The following GOLGA5 variants were observed in gnomAD, a reference collection of about 807,000 sequenced individuals.
GOLGA5 encodes the protein golgin subfamily A member 5.
GOLGA5 carries 50 observed loss-of-function variants against 93.5 expected under a neutral mutation model. The ratio of observed to expected loss-of-function variants is 0.53; its 90% confidence interval spans 0.43 to 0.68. GOLGA5 has a LOEUF of 0.68. Among genes scored for constraint, GOLGA5 ranks in the 30% least tolerant of loss-of-function variants. GOLGA5 has a pLI of 0.00. For synonymous variants in GOLGA5, 312 were observed against 304.5 expected (o/e 1.02, Z -0.26); for missense variants, 760 against 856.4 (o/e 0.89, Z 1.40).
chr14:92,826,994 T>C (rs1056643264), intron 9 of GOLGA5, among the ~76,000 whole-genome samples: 1 of 152,150 alleles, frequency 6.6e-6, no homozygotes, highest in Non-Finnish European at 1.5e-5. Flanking sequence ...CAAAAGAGAT[T>C]ATAAAAATAA....
intron 3 of GOLGA5, among the ~76,000 whole-genome samples, chr14:92,807,350 A>G (rs1885011254): frequency 6.6e-6 from 1 of 152,156 alleles, no homozygotes. Context: ...TAAAAACTTT[A>G]AACTGTTAGA....
At chr14:92,834,928 G>A (rs1885608686) in intron 10 of GOLGA5, among the ~76,000 whole-genome samples, 1 of 152,210 alleles carries the variant, frequency 6.6e-6, no homozygotes, top group Admixed American at 6.5e-5. Context: ...AAGGTGGACT[G>A]AGAATTTATT....
chr14:92,836,708 T>A (rs1048859428), intron 11 of GOLGA5, among the ~76,000 whole-genome samples: 1 of 152,154 alleles, frequency 6.6e-6, no homozygotes, highest in Non-Finnish European at 1.5e-5. Context: ...ACCAGACTCT[T>A]TTTTTCCCCA....
chr14:92,803,706 A>G (rs1337275405), intron 2 of GOLGA5, among the ~76,000 whole-genome samples: 12 of 152,208 alleles, frequency 7.9e-5, no homozygotes, highest in East Asian at 1.9e-4. Context: ...GAAACTTTCA[A>G]CGCAACCAAA....
At chr14:92,798,763 A>G (rs1405550949) in intron 2 of GOLGA5, among the ~76,000 whole-genome samples, 1 of 152,170 alleles carries the variant, frequency 6.6e-6, no homozygotes, top group Admixed American at 6.5e-5. Flanking sequence ...AAAAAATACA[A>G]AAATTAGCCA....
intron 9 of GOLGA5, among the ~76,000 whole-genome samples, chr14:92,830,368 G>A (rs558019578): frequency 3.3e-5 from 5 of 150,514 alleles, no homozygotes; most frequent in African/African-American, 4.9e-5. Context: ...CACAGAATTC[G>A]TAAACTTAAA....
intron 8 of GOLGA5, among the ~76,000 whole-genome samples, chr14:92,822,214 C>T (rs1885330168): frequency 1.3e-5 from 2 of 152,188 alleles, no homozygotes; most frequent in South Asian, 4.1e-4. Context: ...TCTTTTCTCA[C>T]CTCTCTTGAT....
chr14:92,794,483 A>G (rs1465758403), intron 1 of GOLGA5, 27 bp downstream of exon 1: 9 of 152,494 alleles, frequency 5.9e-5, no homozygotes, highest in Middle Eastern at 3.4e-3. Context: ...GGCCCACTGG[A>G]CGAGACGGGG....
chr14:92,804,325 C>T (rs1884935976), intron 2 of GOLGA5, among the ~76,000 whole-genome samples: 1 of 152,038 alleles, frequency 6.6e-6, no homozygotes, highest in Non-Finnish European at 1.5e-5. Context: ...CTCGGCCTCC[C>T]AAAGTGCTGG....
rs1236495226 is a variant in GOLGA5 at position 92,809,458 on chromosome 14, G to C, written c.931G>C (p.Ala311Pro). The C allele has an allele frequency of 6.2e-7, 1 of 1,614,080 alleles. No homozygotes were observed. Among genetic ancestry groups the C allele is most frequent in the Non-Finnish European group, 8.5e-7 (1 of 1,179,986 alleles). Residue 311 changes from alanine to proline, a missense_variant, in exon 4 of 13, where the codon GCT becomes CCT. Transcript: ENST00000163416. ...TGTACTGAAAGTGAGACTCCAGGAA[G>C]CTGACCAGCTACTGAGTACTCGCAC... The part of the protein sequence containing the change: ...LAVLKVRLQE[A>P]DQLLSTRTEA...
Position 92,839,567 on chromosome 14 carries a change from A to C in GOLGA5, c.*121A>C. The C allele has an allele frequency of 1.6e-6, 1 of 641,108 alleles. No homozygotes were observed. Among genetic ancestry groups the C allele is most frequent in the Non-Finnish European group, 2.8e-6 (1 of 361,930 alleles). The allele number at this position is 641,108 out of a possible 1,614,324, so 39.7% of individuals were successfully genotyped here. Reference sequence around the variant, plus strand: ...GATTATTTTATCACTACAAGCTTTTAACTTTTTAAGTTATTGTACAAGTAT... The same window carrying C: ...GATTATTTTATCACTACAAGCTTTTCACTTTTTAAGTTATTGTACAAGTAT... On this transcript the variant is annotated 3_prime_UTR_variant, in exon 13 of 13. Transcript: ENST00000163416.
intron 10 of GOLGA5, among the ~76,000 whole-genome samples, chr14:92,834,642 T>TG (rs1885602346): frequency 6.6e-6 from 1 of 152,154 alleles, no homozygotes; most frequent in Admixed American, 6.5e-5. Context: ...AGAAGACACT[T>TG]GTGTAAGATG....
intron 2 of GOLGA5, among the ~76,000 whole-genome samples, chr14:92,799,216 T>G (rs935857538): frequency 2.0e-5 from 3 of 152,034 alleles, no homozygotes; most frequent in Non-Finnish European, 4.4e-5. Context: ...CCTCCTACTT[T>G]GACCTCCCAC....
Position 92,797,962 on chromosome 14 carries a change from T to G in GOLGA5, c.525T>G (p.Ser175=). The change falls in exon 2 of 13, where the codon TCT becomes TCG. Residue 175 remains serine, a synonymous_variant. Coordinates refer to ENST00000163416, the MANE Select transcript of GOLGA5 (RefSeq NM_005113.4). Reference sequence around the variant, plus strand: ...CCATCAAAACCATTGAAGAAAATTCTTTTGGGAGCCAAACCCACGGTAGTT... The same window carrying G: ...CCATCAAAACCATTGAAGAAAATTCGTTTGGGAGCCAAACCCACGGTAGTT... ...VTTIKTIEEN[S]FGSQTHEAAS... 6.3e-7 allele frequency: 1 copy of G among 1,585,528 alleles called. No homozygotes were observed. Among genetic ancestry groups the G allele is most frequent in the Non-Finnish European group, 8.5e-7 (1 of 1,170,632 alleles).
chr14:92,826,234 G>A (rs4904991), intron 9 of GOLGA5, among the ~76,000 whole-genome samples: 10,629 of 150,854 alleles, frequency 0.07, 558 homozygotes, highest in South Asian at 0.19. Context: ...CCTTTGTCCC[G>A]TAGAATTAAG....
intron 6 of GOLGA5, among the ~76,000 whole-genome samples, chr14:92,812,564 C>G (rs1885124689): frequency 6.6e-6 from 1 of 151,986 alleles, no homozygotes; most frequent in Non-Finnish European, 1.5e-5. Context: ...AACTTGTTAA[C>G]TCTTATCTCC....
intron 9 of GOLGA5, among the ~76,000 whole-genome samples, chr14:92,825,873 AC>A (rs1885410313): frequency 1.3e-5 from 2 of 150,376 alleles, no homozygotes; most frequent in African/African-American, 4.9e-5. Flanking sequence ...AAAAGAAAAA[AC>A]AACCATAGGG....
chr14:92,823,286 T>C (rs1885351441), intron 8 of GOLGA5, among the ~76,000 whole-genome samples: 1 of 152,196 alleles, frequency 6.6e-6, no homozygotes, highest in African/African-American at 2.4e-5. Context: ...TTCTGGACTT[T>C]TGTTCTCTTC....
intron 1 of GOLGA5, among the ~76,000 whole-genome samples, chr14:92,797,067 AAATAATAAAAATAGAAAT>A (rs1884749637): frequency 1.0e-5 from 1 of 98,192 alleles, no homozygotes; most frequent in Non-Finnish European, 2.5e-5. Context: ...TAGTAATAAT[AAATAATAAAAATAGAAAT>A]AATAATAAAA....
Sources: gnomAD v4.1 joint callset for allele counts (sites outside exome capture counted in the v4.1 genomes callset) on GRCh38, gnomAD v4.1.1 for gene constraint, MANE v1.5 for transcripts, NCBI Gene and HGNC (gene_info 2026-07-23, HGNC 2026-07-21) for gene names.